CDH22: variants seen among roughly 807,000 people sequenced by gnomAD.
The protein encoded by CDH22 is cadherin-22.
CDH22 carries 30 observed loss-of-function variants against 58.4 expected under a neutral mutation model. That is an observed-to-expected ratio of 0.51 (90% CI 0.38 to 0.70). The LOEUF (loss-of-function observed/expected upper bound fraction) is 0.70. Ranked by LOEUF, CDH22 falls within the 30% of genes least tolerant of loss-of-function variation. CDH22 has a pLI of 0.00. For missense variants in CDH22, 1,014 were observed against 1,233.9 expected, an observed-to-expected ratio of 0.82 and a Z score of 2.67; for synonymous variants, 513 against 558.2, an observed-to-expected ratio of 0.92 and a Z score of 1.14.
chr20:46,196,421 A>G (rs111668162), intron 8 of CDH22, among the ~76,000 whole-genome samples: 163 of 152,222 alleles, frequency 1.1e-3, no homozygotes, highest in African/African-American at 3.6e-3. Context: ...GTATATGCAC[A>G]CGCCACCATG....
At chr20:46,184,599 G>A (rs998982636) in intron 10 of CDH22, among the ~76,000 whole-genome samples, 6 of 152,130 alleles carry the variant, frequency 3.9e-5, no homozygotes, top group Non-Finnish European at 7.3e-5. Context: ...ATATAAACTA[G>A]GTTTTGTTGT....
At chr20:46,255,977 G>A (rs983607127) in intron 1 of CDH22, among the ~76,000 whole-genome samples, 5 of 152,150 alleles carry the variant, frequency 3.3e-5, no homozygotes, top group South Asian at 4.1e-4. Flanking sequence ...CTCAATAAAT[G>A]TTGGCTCTGC....
At chr20:46,292,744 G>C (rs1410165887) in intron 1 of CDH22, among the ~76,000 whole-genome samples, 1 of 152,130 alleles carries the variant, frequency 6.6e-6, no homozygotes, top group Non-Finnish European at 1.5e-5. Flanking sequence ...GTTGGTTCAT[G>C]CTGCCCCTCT....
rs1000954936 is a variant in CDH22, at chr20:46,251,439, C to T, written c.-145G>A. On this transcript the variant is annotated 5_prime_UTR_variant, in exon 2 of 12. Transcript: ENST00000537909. This position sits in a 1 kb window ranked among gnomAD's most constrained non-coding sequence, Gnocchi z 6.7. ...TGTCGCCCCCGACGGGGCACCCGGA[C>T]GGGCCCGCGGCCCTGAACGCCGCCC... The T allele has an allele frequency of 1.0e-6, 1 of 979,092 alleles. No individual in the cohort carries two copies. The highest frequency in any genetic ancestry group is 1.3e-6 in the Non-Finnish European group (1 of 742,404). The allele number at this position is 979,092 out of a possible 1,614,324, so 60.7% of individuals were successfully genotyped here. A position where few individuals can be genotyped will look rare whatever the true frequency, so the allele number is the denominator to read the frequency against.
intron 4 of CDH22, among the ~76,000 whole-genome samples, chr20:46,217,704 G>T (rs1313497872): frequency 2.0e-5 from 3 of 151,848 alleles, no homozygotes; most frequent in Non-Finnish European, 4.4e-5. Flanking sequence ...CCATACAGAT[G>T]CACTCTCACA....
chr20:46,281,543 G>A (rs977070441), intron 1 of CDH22, among the ~76,000 whole-genome samples: 5 of 152,170 alleles, frequency 3.3e-5, no homozygotes, highest in Admixed American at 2.0e-4. Flanking sequence ...TTCAGGGAGC[G>A]TTGACACGGG....
chr20:46,188,087 A>G (rs187434346), intron 8 of CDH22, among the ~76,000 whole-genome samples: 10 of 152,284 alleles, frequency 6.6e-5, no homozygotes, highest in African/African-American at 2.2e-4. Context: ...GCATTGTGGG[A>G]TATGGTACAT....
intron 1 of CDH22, among the ~76,000 whole-genome samples, chr20:46,293,830 C>T (rs1393899168): frequency 1.3e-5 from 2 of 152,150 alleles, no homozygotes; most frequent in South Asian, 2.1e-4. Flanking sequence ...GCCTGGCCAA[C>T]ATGGTGAAAC....
chr20:46,263,410 G>GTGTGTGTA (rs2086443398), intron 1 of CDH22, among the ~76,000 whole-genome samples: 1 of 151,318 alleles, frequency 6.6e-6, no homozygotes, highest in Non-Finnish European at 1.5e-5. Context: ...TCCATTCTGT[G>GTGTGTGTA]TGTGTGTGTG....
intron 11 of CDH22, among the ~76,000 whole-genome samples, chr20:46,177,364 G>T (rs2085748507): frequency 6.6e-6 from 1 of 152,184 alleles, no homozygotes; most frequent in Admixed American, 6.5e-5. Flanking sequence ...GGGTGCAAAT[G>T]GCTGCTAGTG....
At chr20:46,254,959 T>C (rs914258811) in intron 1 of CDH22, among the ~76,000 whole-genome samples, 3 of 152,218 alleles carry the variant, frequency 2.0e-5, no homozygotes, top group Non-Finnish European at 4.4e-5. Flanking sequence ...GGCACGCTTG[T>C]TGTAGAAGGG....
chr20:46,297,338 C>A lies in CDH22; in HGVS notation c.-400+10917G>T, dbSNP rs149080186. Among the ~76,000 whole-genome samples, 1,154 of 151,848 alleles carry A rather than the reference C, an allele frequency of 7.6e-3. 9 individuals are homozygous for A. The highest frequency in any genetic ancestry group is 0.053 in the South Asian group (253 of 4,788). ...GGGAGAACAGGGGCTCTGGAAGGGG[C>A]AGGCATTCCAGAAGGTGACCAGGAG... is the stretch of plus-strand genomic sequence containing the variant. On this transcript the variant is annotated intron_variant, in intron 1 of 11. Coordinates refer to ENST00000537909, the MANE Select transcript of CDH22 (RefSeq NM_021248.3).
chr20:46,303,881 G>A (rs1208911840), intron 1 of CDH22, among the ~76,000 whole-genome samples: 12 of 152,186 alleles, frequency 7.9e-5, no homozygotes, highest in African/African-American at 1.9e-4. Context: ...GTTAGAGAAC[G>A]ATCGCTCTGG....
intron 1 of CDH22, among the ~76,000 whole-genome samples, chr20:46,282,552 TA>T (rs2086555685): frequency 6.6e-6 from 1 of 152,126 alleles, no homozygotes; most frequent in African/African-American, 2.4e-5. Context: ...GTAAAAGAGT[TA>T]AAGGACAGAT....
At chr20:46,301,294 G>T (rs577213304) in intron 1 of CDH22, among the ~76,000 whole-genome samples, 3 of 152,072 alleles carry the variant, frequency 2.0e-5, no homozygotes, top group African/African-American at 7.2e-5. Flanking sequence ...TAAGCGCTTT[G>T]TCTGTATTAC....
At chr20:46,214,233 C>G (rs1414029353) in intron 5 of CDH22, among the ~76,000 whole-genome samples, 1 of 152,068 alleles carries the variant, frequency 6.6e-6, no homozygotes, top group African/African-American at 2.4e-5. Flanking sequence ...GGAATGAGAT[C>G]AGATGGGATG....
chr20:46,178,143 T>C lies in CDH22; in HGVS notation c.1718A>G (p.Asp573Gly). Residue 573 changes from aspartate (D) to glycine (G), a missense_variant, in exon 11 of 12, where the codon GAC (aspartate) becomes GGC (glycine). Around this residue, in one of 2 missense-constraint regions of CDH22, gnomAD observed 806 missense variants for 1,038.7 expected, o/e 0.78. Transcript: ENST00000537909. ...QHVGFNRQEQ[D>G]VFFLPILVVD... ...CACCAGGATGGGCAGGAAGAACACG[T>C]CCTGCTCCTGCCGGTTGAAGCCCAC... 6.2e-7 allele frequency: 1 copy of C among 1,614,022 alleles called. No homozygotes were observed. The highest frequency in any genetic ancestry group is 8.5e-7 in the Non-Finnish European group (1 of 1,179,978).
In CDH22 at chr20:46,199,521, A is replaced by G. The variant is rs758493178; in HGVS notation, c.1325T>C (p.Phe442Ser). Reference sequence around the variant, plus strand: ...GGCGCCTGTGTCCGCATCGATATCGAAGATCTGGTCCAAATCTGATTCGCG... The same window carrying G: ...GGCGCCTGTGTCCGCATCGATATCGGAGATCTGGTCCAAATCTGATTCGCG... ...IDRESDLDQI[F>S]DIDADTGAIV... Residue 442 changes from phenylalanine to serine, a missense_variant, in exon 8 of 12, where the codon TTC (phenylalanine) becomes TCC (serine). Phe to Ser is a radical substitution (Grantham distance 155). Around this residue, in one of 2 missense-constraint regions of CDH22, gnomAD observed 806 missense variants for 1,038.7 expected, o/e 0.78. Coordinates refer to ENST00000537909, the MANE Select transcript of CDH22 (RefSeq NM_021248.3). 1 of 1,613,872 alleles carries G rather than the reference A, an allele frequency of 6.2e-7. No individual in the cohort carries two copies. The highest frequency in any genetic ancestry group is 8.5e-7 in the Non-Finnish European group (1 of 1,179,966).
At chr20:46,258,455 C>T (rs190348769) in intron 1 of CDH22, among the ~76,000 whole-genome samples, 14 of 152,248 alleles carry the variant, frequency 9.2e-5, no homozygotes, top group East Asian at 3.9e-4. Context: ...TCTCTCCTGC[C>T]GCAGGGCCCG....
Sources: gnomAD v4.1 joint callset for allele counts (sites outside exome capture counted in the v4.1 genomes callset) on GRCh38, gnomAD v4.1.1 for gene constraint, gnomAD v4.1.1 regional missense constraint, Gnocchi (gnomAD v3.1) non-coding constraint, MANE v1.5 for transcripts, NCBI Gene and HGNC (gene_info 2026-07-23, HGNC 2026-07-21) for gene names.